Variants in PRKN observed in about 807,000 individuals in gnomAD.
PRKN encodes the protein E3 ubiquitin-protein ligase parkin.
A neutral mutation model predicts 59.5 loss-of-function variants in PRKN; 56 were observed. The ratio of observed to expected loss-of-function variants is 0.94; its 90% confidence interval spans 0.76 to 1.18. PRKN has a LOEUF of 1.18. PRKN is among the 50% of genes most tolerant of loss of function. The pLI, the probability that PRKN is intolerant of heterozygous loss-of-function variation, is 0.00. For missense variants in PRKN, 657 were observed against 596.4 expected (o/e 1.10, Z -1.06); for synonymous variants, 250 against 222.1 (o/e 1.13, Z -1.12).
rs1783971657 is a variant in PRKN, at chr6:162,338,724, T to C, written c.172-75959A>G. On this transcript the variant is annotated intron_variant, in intron 2 of 11. Coordinates refer to ENST00000366898, the MANE Select transcript of PRKN (RefSeq NM_004562.3). ...CTGCCTGGCCGCCCATTGTCTGGGATGTGAGGAGCCCCTCTGCCCGGCTGC... is the reference window on the plus strand; with the variant it reads ...CTGCCTGGCCGCCCATTGTCTGGGACGTGAGGAGCCCCTCTGCCCGGCTGC... Among the ~76,000 whole-genome samples, 2 of 151,464 alleles carry C rather than the reference T, an allele frequency of 1.3e-5. 1 individual carries two copies. Among genetic ancestry groups the C allele is most frequent in the East Asian group, 4.0e-4 (2 of 5,006 alleles).
intron 2 of PRKN, among the ~76,000 whole-genome samples, chr6:162,265,649 C>CCACTG (rs972596721): frequency 2.6e-5 from 4 of 152,136 alleles, no homozygotes; most frequent in South Asian, 4.1e-4. Context: ...TGAGATCTCA[C>CCACTG]CACTGCACTG....
chr6:161,795,052 T>A (rs554662931), intron 6 of PRKN, among the ~76,000 whole-genome samples: 177 of 150,906 alleles, frequency 1.2e-3, no homozygotes, highest in Middle Eastern at 3.4e-3. Flanking sequence ...ACCCAGCTAA[T>A]TTTTTGTATT....
At chr6:162,531,959 T>C (rs74699600) in intron 1 of PRKN, among the ~76,000 whole-genome samples, 4 of 145,006 alleles carry the variant, frequency 2.8e-5, no homozygotes, top group Non-Finnish European at 4.6e-5. Context: ...AAAAAAAAAA[T>C]GTAACAAAAC....
rs6455736 is a variant in PRKN, at chr6:161,593,402, G to C, written c.872-23986C>G. On this transcript the variant is annotated intron_variant, in intron 7 of 11. Transcript: ENST00000366898. The surrounding 1 kb of genome is among the most constrained non-coding windows in gnomAD (Gnocchi z 4.8). The stretch of plus-strand genomic sequence containing the variant: ...ACAAAACTAATATATGGTGAGGCTG[G>C]TTTCAAGCTAATATTGGCCAATCCC... 0.6 allele frequency among the ~76,000 whole-genome samples: 91,449 copies of C among 151,962 alleles called. 27,634 individuals are homozygous for C. Among genetic ancestry groups the C allele is most frequent in the Middle Eastern group, 0.66 (194 of 294 alleles).
chr6:161,748,960 A>C (rs1583099333), intron 7 of PRKN, among the ~76,000 whole-genome samples: 1 of 152,206 alleles, frequency 6.6e-6, no homozygotes, highest in East Asian at 1.9e-4. Context: ...AGACAAAGCG[A>C]AACAAAACAA....
At chr6:162,019,502 T>C (rs1473292218) in intron 5 of PRKN, among the ~76,000 whole-genome samples, 1 of 152,140 alleles carries the variant, frequency 6.6e-6, no homozygotes, top group South Asian at 2.1e-4. Flanking sequence ...ATCATTGAAA[T>C]GATATACTGC....
chr6:161,658,722 C>A (rs763204231), intron 7 of PRKN, among the ~76,000 whole-genome samples: 17 of 152,094 alleles, frequency 1.1e-4, no homozygotes, highest in Non-Finnish European at 2.4e-4. Context: ...TAAAAAAATT[C>A]ACTGAGGAAG....
intron 5 of PRKN, among the ~76,000 whole-genome samples, chr6:162,020,332 C>CAAAA (rs771141235): frequency 2.4e-4 from 11 of 45,508 alleles, no homozygotes; most frequent in Admixed American, 8.5e-4. Flanking sequence ...ACCAATGAAT[C>CAAAA]AAAAAAAAAA....
At chr6:161,879,361 T>TTTTTTA (rs1794846868) in intron 6 of PRKN, among the ~76,000 whole-genome samples, 1 of 149,708 alleles carries the variant, frequency 6.7e-6, no homozygotes, top group African/African-American at 2.5e-5. Flanking sequence ...TTTTTTTTTT[T>TTTTTTA]GAGATGGAGT....
intron 1 of PRKN, among the ~76,000 whole-genome samples, chr6:162,587,282 T>C (rs2128213197): frequency 6.6e-6 from 1 of 152,196 alleles, no homozygotes; most frequent in East Asian, 1.9e-4. Context: ...ATTACAGGCA[T>C]GCACCACCAC....
At chr6:162,205,480 G>A (rs1438576966) in intron 3 of PRKN, among the ~76,000 whole-genome samples, 1 of 151,800 alleles carries the variant, frequency 6.6e-6, no homozygotes, top group Non-Finnish European at 1.5e-5. Flanking sequence ...TCCATCACTA[G>A]TTGTCACTGA....
rs923008448 is a variant in PRKN, at chr6:161,386,113, T to C, written c.1167+681A>G. Among the ~76,000 whole-genome samples the C allele has an allele frequency of 1.8e-4, 28 of 152,244 alleles. No individual in the cohort carries two copies. The highest frequency in any genetic ancestry group is 3.1e-4 in the Non-Finnish European group (21 of 68,036). On this transcript the variant is annotated intron_variant, in intron 10 of 11. Transcript: ENST00000366898. The surrounding 1 kb of genome is among the most constrained non-coding windows in gnomAD (Gnocchi z 4.3). ...ACTAAAGGATTTATTTGCAAAGATT[T>C]GGTGTTTAAACCCTTGTTAACATCT...
intron 1 of PRKN, among the ~76,000 whole-genome samples, chr6:162,554,655 G>A (rs769959019): frequency 6.6e-5 from 10 of 152,142 alleles, no homozygotes; most frequent in African/African-American, 1.2e-4. Context: ...ACAGCGCAGC[G>A]CAATGGCATG....
At chr6:161,408,595 G>A (rs1787385800) in intron 9 of PRKN, among the ~76,000 whole-genome samples, 1 of 151,150 alleles carries the variant, frequency 6.6e-6, no homozygotes, top group Non-Finnish European at 1.5e-5. Context: ...GGGCTGATGA[G>A]CCTGTGCCAT....
rs563745235 is a variant in PRKN at position 162,234,798 on chromosome 6, T to C, written c.412+27727A>G. Among the ~76,000 whole-genome samples the C allele has an allele frequency of 3.2e-4, 48 of 152,342 alleles. 1 individual carries two copies. Among genetic ancestry groups the C allele is most frequent in the Admixed American group, 2.4e-3 (36 of 15,300 alleles). ...GTGGTGACAGACACCGTCTGTGTTA[T>C]CACTTGAAGAGCTGTCCTGTGGGAG... is the stretch of plus-strand genomic sequence containing the variant. On this transcript the variant is annotated intron_variant, in intron 3 of 11. Transcript: ENST00000366898.
intron 9 of PRKN, among the ~76,000 whole-genome samples, chr6:161,430,703 T>C (rs1583057202): frequency 6.7e-6 from 1 of 148,594 alleles, no homozygotes; most frequent in East Asian, 2.0e-4. Context: ...TAGTCCCAGC[T>C]ACTCGGGAGG....
chr6:162,724,608 G>T (rs1779056088), intron 1 of PRKN, among the ~76,000 whole-genome samples: 1 of 152,150 alleles, frequency 6.6e-6, no homozygotes, highest in African/African-American at 2.4e-5. Context: ...AAAAGAAAGA[G>T]AAATAAGTTT....
At chr6:161,595,309 A>G (rs1781874952) in intron 7 of PRKN, among the ~76,000 whole-genome samples, 1 of 152,108 alleles carries the variant, frequency 6.6e-6, no homozygotes, top group African/African-American at 2.4e-5. Flanking sequence ...AGATACTCCA[A>G]AGGAACCCAC....
At chr6:161,761,217 G>A (rs968833085) in intron 7 of PRKN, among the ~76,000 whole-genome samples, 2 of 152,168 alleles carry the variant, frequency 1.3e-5, no homozygotes, top group African/African-American at 2.4e-5. Flanking sequence ...TCATATTTTT[G>A]TGTCTTTCTC....
Sources: gnomAD v4.1 joint callset for allele counts (sites outside exome capture counted in the v4.1 genomes callset) on GRCh38, gnomAD v4.1.1 for gene constraint, Gnocchi (gnomAD v3.1) non-coding constraint, MANE v1.5 for transcripts, NCBI Gene and HGNC (gene_info 2026-07-23, HGNC 2026-07-21) for gene names.